Variants in PHTF2 observed in about 807,000 individuals in gnomAD.
PHTF2 encodes putative homeodomain transcription factor 2.
Under a neutral mutation model 101.2 loss-of-function variants are expected in PHTF2, and 60 were observed. The observed-to-expected ratio is 0.59, with a 90% CI of 0.48 to 0.73. The LOEUF (loss-of-function observed/expected upper bound fraction) is 0.73. Among genes scored for constraint, PHTF2 ranks in the 30% least tolerant of loss-of-function variants. PHTF2 has a pLI of 0.00. For synonymous variants in PHTF2, 311 were observed against 307.3 expected (o/e 1.01, Z -0.13); for missense variants, 747 against 908.7 (o/e 0.82, Z 2.29).
chr7:77,919,018 T>TA (rs763299630), intron 9 of PHTF2, among the ~76,000 whole-genome samples: 2 of 152,174 alleles, frequency 1.3e-5, no homozygotes, highest in Non-Finnish European at 2.9e-5. Flanking sequence ...ATGAGTGTGT[T>TA]AAAAAATCCT....
At chr7:77,928,334 A>G (rs1409558773) in intron 11 of PHTF2, among the ~76,000 whole-genome samples, 1 of 152,182 alleles carries the variant, frequency 6.6e-6, no homozygotes, top group African/African-American at 2.4e-5. Context: ...AACTGATTAG[A>G]AATTACTTAA....
chr7:77,851,905 T>C (rs1440916366), intron 2 of PHTF2, among the ~76,000 whole-genome samples: 1 of 152,186 alleles, frequency 6.6e-6, no homozygotes, highest in Non-Finnish European at 1.5e-5. Context: ...TTTTAGTATG[T>C]TGTATTTCTA....
At chr7:77,927,195 T>TATACACACACAC (rs1554388751) in intron 11 of PHTF2, among the ~76,000 whole-genome samples, 27 of 78,534 alleles carry the variant, frequency 3.4e-4, no homozygotes, top group African/African-American at 9.9e-4. Context: ...TATATATATA[T>TATACACACACAC]ACATACACAC....
At chr7:77,938,862 TG>T (rs1805392531) in intron 13 of PHTF2, among the ~76,000 whole-genome samples, 2 of 152,268 alleles carry the variant, frequency 1.3e-5, no homozygotes, top group East Asian at 3.8e-4. Context: ...TAAATTTCTT[TG>T]GTGCATTATT....
chr7:77,896,949 T>C (rs6968546), intron 5 of PHTF2, among the ~76,000 whole-genome samples: 3,182 of 152,302 alleles, frequency 0.021, 91 homozygotes, highest in African/African-American at 0.072. Context: ...AGAGTTGATA[T>C]TGCTAAAGCG....
At position 77,815,241 on chromosome 7, in the gene PHTF2, A is replaced by G. The variant is rs1350716248; in HGVS notation, c.-36+16270A>G. Among the ~76,000 whole-genome samples, 9 of 152,242 alleles carry G rather than the reference A, an allele frequency of 5.9e-5. No homozygotes were observed. The East Asian group carries it at 1.5e-3, about 26-fold the overall frequency. On this transcript the variant is annotated intron_variant, in intron 1 of 19. Coordinates refer to ENST00000416283, the Ensembl canonical transcript of PHTF2. ...TTTGCTGGGAACATGCGTGTTGGGAACCTCAGATTTTTCTCTGCTTTGTGC... is the reference window on the plus strand; with the variant it reads ...TTTGCTGGGAACATGCGTGTTGGGAGCCTCAGATTTTTCTCTGCTTTGTGC...
intron 1 of PHTF2, among the ~76,000 whole-genome samples, chr7:77,810,055 T>C (rs988678809): frequency 4.6e-5 from 7 of 152,202 alleles, no homozygotes; most frequent in African/African-American, 1.4e-4. Context: ...TATGTTCTTT[T>C]TATTTTGATG....
intron 1 of PHTF2, among the ~76,000 whole-genome samples, chr7:77,810,832 C>T (rs549911640): frequency 2.0e-5 from 3 of 152,192 alleles, no homozygotes; most frequent in Non-Finnish European, 2.9e-5. Context: ...GCCACCCCAC[C>T]CAGCTGAATG....
exon 1 of PHTF2, chr7:77,798,845 T>G (rs1353620667): frequency 6.6e-6 from 1 of 152,430 alleles, no homozygotes; most frequent in African/African-American, 2.4e-5. Flanking sequence ...GGGGCAACCC[T>G]CTGGAGGCAG....
intron 3 of PHTF2, chr7:77,854,942 C>A: frequency 1.6e-6 from 1 of 615,966 alleles, no homozygotes; most frequent in Non-Finnish European, 2.9e-6. Context: ...ATCAAGGAAC[C>A]CAGGAGCCTG....
chr7:77,881,469 T>G (rs1405552874), intron 3 of PHTF2, among the ~76,000 whole-genome samples: 14 of 152,010 alleles, frequency 9.2e-5, no homozygotes, highest in Admixed American at 9.2e-4. Context: ...CCAACTCTCC[T>G]GATCTCTAGC....
intron 1 of PHTF2, among the ~76,000 whole-genome samples, chr7:77,834,831 T>G (rs1795327851): frequency 6.6e-6 from 1 of 152,226 alleles, no homozygotes; most frequent in African/African-American, 2.4e-5. Context: ...AGACAAAGAA[T>G]GTTGCCACAT....
At chr7:77,830,192 T>C (rs1163299755) in intron 1 of PHTF2, among the ~76,000 whole-genome samples, 1 of 152,084 alleles carries the variant, frequency 6.6e-6, no homozygotes, top group Admixed American at 6.5e-5. Context: ...TATAAAACAA[T>C]ATAGTAAGTA....
At chr7:77,866,983 A>G (rs1266561523) in intron 3 of PHTF2, among the ~76,000 whole-genome samples, 1 of 152,208 alleles carries the variant, frequency 6.6e-6, no homozygotes. Context: ...AAAAGGAAGC[A>G]TTAGGTAATA....
chr7:77,938,746 C>T (rs899910144), intron 13 of PHTF2, among the ~76,000 whole-genome samples: 32 of 152,232 alleles, frequency 2.1e-4, no homozygotes, highest in African/African-American at 7.5e-4. Flanking sequence ...CACTGCACTC[C>T]AGCCTGGGCG....
At chr7:77,894,084 T>A (rs754093546) in intron 5 of PHTF2, 91 bp downstream of exon 4, 33 of 974,444 alleles carry the variant, frequency 3.4e-5, no homozygotes, top group Non-Finnish European at 5.0e-5. Flanking sequence ...TACTAACAGA[T>A]TGACTTGGAC....
intron 3 of PHTF2, among the ~76,000 whole-genome samples, chr7:77,875,553 TTTATTA>T (rs869272746): frequency 9.6e-6 from 1 of 104,560 alleles, no homozygotes; most frequent in East Asian, 2.3e-4. Flanking sequence ...TATTTATTTA[TTTATTA>T]TTATTATTAT....
chr7:77,921,944 G>GA (rs1314697807), intron 10 of PHTF2, among the ~76,000 whole-genome samples: 3 of 148,394 alleles, frequency 2.0e-5, no homozygotes, highest in Non-Finnish European at 4.5e-5. Flanking sequence ...TTTTCAGTTT[G>GA]AAAAAATAGT....
chr7:77,813,498 T>C (rs1022236337), intron 1 of PHTF2, among the ~76,000 whole-genome samples: 2 of 151,920 alleles, frequency 1.3e-5, no homozygotes, highest in African/African-American at 4.8e-5. Flanking sequence ...AGAGAGGAGA[T>C]GGAGAAGTGG....
Sources: allele counts gnomAD v4.1 joint callset (sites outside exome capture counted in the v4.1 genomes callset), GRCh38; gene constraint gnomAD v4.1.1; transcripts MANE v1.5; gene names NCBI Gene and HGNC (gene_info 2026-07-23, HGNC 2026-07-21).